Variants in ELAPOR2 observed in about 807,000 individuals in gnomAD.
ELAPOR2 encodes the protein endosome-lysosome associated apoptosis and autophagy regulator family member 2.
ELAPOR2 carries 89 observed loss-of-function variants against 120.7 expected under a neutral mutation model. That is an observed-to-expected ratio of 0.74 (90% CI 0.62 to 0.88). The LOEUF (loss-of-function observed/expected upper bound fraction) is 0.88, where lower values mean the gene tolerates loss of function less well. Among genes scored for constraint, ELAPOR2 ranks in the 40% least tolerant of loss-of-function variants. The probability of loss-of-function intolerance (pLI) is 0.00; values close to 1 mark genes in which losing one functional copy is unlikely to be tolerated. For synonymous variants in ELAPOR2, 444 were observed against 444.9 expected, an observed-to-expected ratio of 1.00 and a Z score of 0.03; for missense variants, 1,134 against 1,251.6, an observed-to-expected ratio of 0.91 and a Z score of 1.42.
intron 19 of ELAPOR2, among the ~76,000 whole-genome samples, chr7:86,895,624 C>T (rs1042603932): frequency 6.6e-6 from 1 of 152,030 alleles, no homozygotes; most frequent in African/African-American, 2.4e-5. Context: ...TCTCAACAAT[C>T]TTATAATACG....
chr7:87,010,482 T>C (rs947690250), intron 1 of ELAPOR2, among the ~76,000 whole-genome samples: 1 of 152,238 alleles, frequency 6.6e-6, no homozygotes, highest in African/African-American at 2.4e-5. Context: ...TACATTTCTA[T>C]GCATTTCTAC....
chr7:87,023,104 A>G (rs1161929058), intron 1 of ELAPOR2, among the ~76,000 whole-genome samples: 2 of 152,044 alleles, frequency 1.3e-5, no homozygotes, highest in Non-Finnish European at 2.9e-5. Flanking sequence ...TTTTGTTGCC[A>G]TTGCTTTTGG....
chr7:86,925,479 T>C, intron 10 of ELAPOR2, 49 bp downstream of exon 10: 1 of 1,597,246 alleles, frequency 6.3e-7, no homozygotes, highest in East Asian at 2.2e-5. Context: ...CAAGAATGAA[T>C]GATGTCTCTA....
chr7:86,917,159 C>T (rs906466329), intron 12 of ELAPOR2, among the ~76,000 whole-genome samples: 3 of 151,708 alleles, frequency 2.0e-5, no homozygotes, highest in African/African-American at 7.3e-5. Flanking sequence ...GTGACTCACA[C>T]CTGTAATCCC....
chr7:86,950,701 GC>G (rs1284951988), intron 2 of ELAPOR2, among the ~76,000 whole-genome samples: 1 of 152,194 alleles, frequency 6.6e-6, no homozygotes, highest in East Asian at 1.9e-4. Flanking sequence ...CACCTGGCTA[GC>G]CCTTGGCCAG....
At chr7:87,031,009 C>T (rs772665287) in intron 1 of ELAPOR2, among the ~76,000 whole-genome samples, 6 of 152,086 alleles carry the variant, frequency 3.9e-5, no homozygotes, top group Non-Finnish European at 7.4e-5. Flanking sequence ...CTTATAAAAC[C>T]ATCAGATCGC....
At chr7:86,883,593 G>A (rs1346967067) in intron 21 of ELAPOR2, among the ~76,000 whole-genome samples, 16 of 152,126 alleles carry the variant, frequency 1.1e-4, no homozygotes, top group Non-Finnish European at 2.1e-4. Flanking sequence ...AACACGAGGC[G>A]AATGAATCTC....
intron 21 of ELAPOR2, among the ~76,000 whole-genome samples, chr7:86,885,256 AC>A (rs1799632892): frequency 6.6e-6 from 1 of 152,162 alleles, no homozygotes; most frequent in Admixed American, 6.6e-5. Flanking sequence ...AGGACATAAA[AC>A]CTGCAGCCTC....
chr7:86,914,460 C>T (rs1287312837), intron 13 of ELAPOR2, among the ~76,000 whole-genome samples: 1 of 152,032 alleles, frequency 6.6e-6, no homozygotes, highest in Non-Finnish European at 1.5e-5. Flanking sequence ...TTAGATTTTC[C>T]TTCTCATAAG....
At chr7:86,999,102 G>A (rs1202215171) in intron 1 of ELAPOR2, among the ~76,000 whole-genome samples, 1 of 151,500 alleles carries the variant, frequency 6.6e-6, no homozygotes, top group Non-Finnish European at 1.5e-5. Flanking sequence ...AGCTGCAGAA[G>A]GGAGGTAAAA....
chr7:86,903,426 A>C (rs1316730518), intron 18 of ELAPOR2, among the ~76,000 whole-genome samples: 1 of 152,196 alleles, frequency 6.6e-6, no homozygotes, highest in Non-Finnish European at 1.5e-5. Flanking sequence ...TTACATATCT[A>C]TTATCTGTCT....
intron 7 of ELAPOR2, among the ~76,000 whole-genome samples, chr7:86,938,547 CATTTTTAGATTAGT>C (rs2116324098): frequency 6.6e-6 from 1 of 152,088 alleles, no homozygotes; most frequent in East Asian, 1.9e-4. Flanking sequence ...AAAGTATAAA[CATTTTTAGATTAGT>C]ATAAACATAT....
intron 18 of ELAPOR2, among the ~76,000 whole-genome samples, chr7:86,906,004 T>G (rs1788994932): frequency 6.6e-6 from 1 of 152,046 alleles, no homozygotes; most frequent in Admixed American, 6.6e-5. Flanking sequence ...AGAGTTAGAG[T>G]GATGTGTTTC....
intron 1 of ELAPOR2, among the ~76,000 whole-genome samples, chr7:86,989,472 A>C (rs1635028): frequency 0.38 from 57,274 of 151,784 alleles, 11,608 homozygotes; most frequent in African/African-American, 0.53. Flanking sequence ...ATAGAGAGTG[A>C]CATTTTAAAG....
chr7:86,994,646 T>G, intron 1 of ELAPOR2, among the ~76,000 whole-genome samples: 1 of 152,152 alleles, frequency 6.6e-6, no homozygotes. Flanking sequence ...GGTGGTTAGT[T>G]TCATTGCTAA....
chr7:87,018,394 A>G (rs1226736465), intron 1 of ELAPOR2, among the ~76,000 whole-genome samples: 2 of 152,156 alleles, frequency 1.3e-5, no homozygotes, highest in Non-Finnish European at 2.9e-5. Flanking sequence ...AGATACTCAC[A>G]TAGGTTAGTA....
At chr7:86,912,351 G>C in intron 14 of ELAPOR2, 106 bp from the exon 15 acceptor site, 1 of 628,974 alleles carries the variant, frequency 1.6e-6, no homozygotes, top group South Asian at 2.5e-5. Flanking sequence ...CAGTAATTTA[G>C]TCTTAGCTAT....
intron 2 of ELAPOR2, among the ~76,000 whole-genome samples, chr7:86,951,112 C>A (rs898419361): frequency 2.6e-5 from 4 of 152,152 alleles, no homozygotes; most frequent in African/African-American, 7.2e-5. Context: ...CTACAACCTG[C>A]AGGGGAAATC....
chr7:86,912,016 T>C (rs950518263), intron 15 of ELAPOR2, 56 bp downstream of exon 15: 1 of 1,510,892 alleles, frequency 6.6e-7, no homozygotes, highest in Non-Finnish European at 9.1e-7. Context: ...ACAGAAAATA[T>C]CAACTTGATC....
Sources: allele counts gnomAD v4.1 joint callset (sites outside exome capture counted in the v4.1 genomes callset), GRCh38; gene constraint gnomAD v4.1.1; transcripts MANE v1.5; gene names NCBI Gene and HGNC (gene_info 2026-07-23, HGNC 2026-07-21).